MCF2L: variants seen among roughly 807,000 people sequenced by gnomAD.
MCF2L encodes MCF.2 cell line derived transforming sequence like.
A neutral mutation model predicts 153.4 loss-of-function variants in MCF2L; 97 were observed. The observed-to-expected ratio is 0.63, with a 90% CI of 0.54 to 0.75. The LOEUF is 0.75. Ranked by LOEUF, MCF2L falls within the 30% of genes least tolerant of loss-of-function variation. The probability of loss-of-function intolerance (pLI) is 0.00; values close to 1 mark genes in which losing one functional copy is unlikely to be tolerated. For missense variants in MCF2L, 1,347 were observed against 1,495.2 expected, an observed-to-expected ratio of 0.90 and a Z score of 1.64; for synonymous variants, 659 against 632.2, an observed-to-expected ratio of 1.04 and a Z score of -0.64.
intron 2 of MCF2L, among the ~76,000 whole-genome samples, chr13:112,914,230 A>G (rs2081266461): frequency 1.3e-5 from 2 of 152,040 alleles, no homozygotes; most frequent in African/African-American, 4.8e-5. Context: ...GGGCCTTGCC[A>G]TGTGCGAGCT....
chr13:112,901,269 T>C (rs2140494405), intron 1 of MCF2L, among the ~76,000 whole-genome samples: 1 of 152,348 alleles, frequency 6.6e-6, no homozygotes, highest in South Asian at 2.1e-4. Flanking sequence ...TTCTCGTCCC[T>C]CAGCCTCGTG....
chr13:113,090,000 G>C (rs746280673), intron 26 of MCF2L: 3 of 1,599,952 alleles, frequency 1.9e-6, no homozygotes, highest in Non-Finnish European at 2.6e-6. Flanking sequence ...CCCTCCCTGC[G>C]ACAGCCGGAC....
rs1310935128 is a variant in MCF2L at position 112,969,401 on chromosome 13, G to A, written c.22G>A (p.Glu8Lys). The change falls in exon 1 of 30, where the codon GAA becomes AAA. Residue 8 changes from glutamate to lysine, a missense_variant. Physicochemically the swap from Glu to Lys is moderately conservative, Grantham distance 56 (BLOSUM62 1). Transcript: ENST00000535094. The surrounding 1 kb of genome is among the most constrained non-coding windows in gnomAD (Gnocchi z 4.8). MRFWLRT[E>K]EMALEEMVQR... Reference sequence around the variant, plus strand: ...GAGGATGAGGTTTTGGCTGAGGACTGAAGAGATGGCCTTGGAAGAAATGGT... The same window carrying A: ...GAGGATGAGGTTTTGGCTGAGGACTAAAGAGATGGCCTTGGAAGAAATGGT... 2.6e-6 allele frequency: 4 copies of A among 1,550,358 alleles called. No individual in the cohort carries two copies. Among genetic ancestry groups the A allele is most frequent in the Admixed American group, 3.9e-5 (2 of 50,992 alleles).
chr13:113,065,240 C>A, intron 7 of MCF2L, 155 bp downstream of exon 7: 1 of 791,496 alleles, frequency 1.3e-6, no homozygotes. Context: ...CTTGAGATGC[C>A]TTTTGATGGC....
In MCF2L at chr13:113,054,738, T is replaced by C. The variant is rs1356190547; in HGVS notation, c.370-5855T>C. On this transcript the variant is annotated intron_variant, in intron 4 of 29. Coordinates refer to ENST00000535094, the MANE Select transcript of MCF2L (RefSeq NM_001112732.3). The surrounding 1 kb of genome is among the most constrained non-coding windows in gnomAD (Gnocchi z 5.2). Reference sequence around the variant, plus strand: ...CCCAAAGTACCCAGTTCTACAAAGTTCCCAGCATGTCCTGTTGCTTTAGCT... The same window carrying C: ...CCCAAAGTACCCAGTTCTACAAAGTCCCCAGCATGTCCTGTTGCTTTAGCT... 1 of 152,146 alleles carries C rather than the reference T, an allele frequency of 6.6e-6. No homozygotes were observed. Among genetic ancestry groups the C allele is most frequent in the Admixed American group, 6.5e-5 (1 of 15,276 alleles). 9.4% of individuals were successfully genotyped at this position (152,146 alleles called of 1,614,324 possible). A position where few individuals can be genotyped will look rare whatever the true frequency, so the allele number is the denominator to read the frequency against.
chr13:113,051,692 G>C (rs1010167788), intron 4 of MCF2L, among the ~76,000 whole-genome samples: 1 of 152,244 alleles, frequency 6.6e-6, no homozygotes, highest in African/African-American at 2.4e-5. Flanking sequence ...AAGAGTATCT[G>C]AAACTGGGCA....
At chr13:113,049,792 G>C (rs1355243230) in intron 4 of MCF2L, among the ~76,000 whole-genome samples, 1 of 152,220 alleles carries the variant, frequency 6.6e-6, no homozygotes, top group Admixed American at 6.5e-5. Context: ...GCCGGGATCC[G>C]GGGCTATTTT....
chr13:113,078,707 G>A lies in MCF2L; in HGVS notation c.1776G>A (p.Gly592=), dbSNP rs759667638. The change falls in exon 15 of 30, where the codon GGG becomes GGA. Residue 592 remains glycine (G), a synonymous_variant. Transcript: ENST00000535094. ...GCCGGCAGGGCCGCGGCTCAGCGGG[G>A]GAGGAGGAGGAAAGCCTGGCCATCC... The part of the protein sequence containing the change: ...SESRQGRGSA[G]EEEESLAILR... 1.2e-6 allele frequency: 2 copies of A among 1,608,568 alleles called. No homozygotes were observed. The highest frequency in any genetic ancestry group is 3.3e-5 in the Admixed American group (2 of 59,858).
At chr13:112,926,972 C>T (rs1249372803) in intron 2 of MCF2L, among the ~76,000 whole-genome samples, 1 of 152,188 alleles carries the variant, frequency 6.6e-6, no homozygotes, top group Admixed American at 6.5e-5. Context: ...TTCCACTGTG[C>T]ATACATACTT....
chr13:113,095,682 G>A (rs2035587626), intron 27 of MCF2L: 5 of 991,280 alleles, frequency 5.0e-6, no homozygotes, highest in Non-Finnish European at 6.0e-6. Flanking sequence ...AGGTGGCCCA[G>A]TCACCGTCCT....
intron 2 of MCF2L, 52 bp from the exon 3 acceptor site, chr13:113,024,592 C>A: frequency 1.6e-6 from 2 of 1,219,490 alleles, no homozygotes; most frequent in Non-Finnish European, 1.2e-6. Flanking sequence ...TCTGTGGAAC[C>A]CCCGGGGGCA....
intron 27 of MCF2L, chr13:113,096,098 C>A: frequency 1.8e-6 from 1 of 554,152 alleles, no homozygotes; most frequent in Non-Finnish European, 3.2e-6. Flanking sequence ...GGCGCAAAGG[C>A]CCTGGGGCCG....
chr13:112,934,883 A>G (rs1035670544), intron 2 of MCF2L, among the ~76,000 whole-genome samples: 2 of 152,240 alleles, frequency 1.3e-5, no homozygotes, highest in Non-Finnish European at 2.9e-5. Flanking sequence ...GGCCAGAGAC[A>G]CTAATGGAGT....
At chr13:112,953,994 C>A (rs1231471382) in intron 2 of MCF2L, among the ~76,000 whole-genome samples, 5 of 152,220 alleles carry the variant, frequency 3.3e-5, no homozygotes, top group Admixed American at 3.3e-4. Context: ...GCTCTGAGAA[C>A]GCTGTGGCAT....
intron 17 of MCF2L, 22 bp downstream of exon 17, chr13:113,082,564 A>G: frequency 6.7e-7 from 1 of 1,492,856 alleles, no homozygotes; most frequent in South Asian, 1.1e-5. Context: ...CCCCCGACAC[A>G]GGCACGCACC....
At chr13:113,016,542 A>G (rs2141212611) in intron 2 of MCF2L, among the ~76,000 whole-genome samples, 1 of 152,192 alleles carries the variant, frequency 6.6e-6, no homozygotes, top group East Asian at 1.9e-4. Flanking sequence ...GGTCTTGGGA[A>G]CCACACCAAA....
intron 26 of MCF2L, among the ~76,000 whole-genome samples, chr13:113,093,056 T>C (rs2035354817): frequency 6.6e-6 from 1 of 152,226 alleles, no homozygotes; most frequent in Non-Finnish European, 1.5e-5. Flanking sequence ...ATCAGACTTT[T>C]GGTTCTGTCT....
intron 1 of MCF2L, among the ~76,000 whole-genome samples, chr13:113,005,336 G>C (rs925275491): frequency 3.9e-5 from 6 of 152,216 alleles, no homozygotes; most frequent in African/African-American, 1.4e-4. Context: ...TGGCTACTGG[G>C]GGCTGGGGTG....
chr13:113,087,820 CT>C (rs375794741), intron 23 of MCF2L, 21 bp downstream of exon 23: 2 of 1,600,926 alleles, frequency 1.2e-6, no homozygotes, highest in Non-Finnish European at 1.7e-6. Context: ...CACCCTACCC[CT>C]GGCCTCTTAC....
Sources: gnomAD v4.1 joint callset for allele counts (sites outside exome capture counted in the v4.1 genomes callset) on GRCh38, gnomAD v4.1.1 for gene constraint, Gnocchi (gnomAD v3.1) non-coding constraint, MANE v1.5 for transcripts, NCBI Gene and HGNC (gene_info 2026-07-23, HGNC 2026-07-21) for gene names.